Variants in PRIM2 observed in about 807,000 individuals in gnomAD.
PRIM2 encodes DNA primase subunit 2.
A neutral mutation model predicts 67.3 loss-of-function variants in PRIM2; 39 were observed. The observed-to-expected ratio is 0.58, with a 90% CI of 0.45 to 0.76. The LOEUF (loss-of-function observed/expected upper bound fraction) is 0.76. Ranked by LOEUF, PRIM2 falls within the 30% of genes least tolerant of loss-of-function variation. The probability of loss-of-function intolerance (pLI) is 0.00; values close to 1 mark genes in which losing one functional copy is unlikely to be tolerated. For synonymous variants in PRIM2, 143 were observed against 198.7 expected (o/e 0.72, Z 2.36); for missense variants, 398 against 598.7 (o/e 0.66, Z 3.50).
chr6:57,527,504 C>T (rs1215190760), intron 8 of PRIM2, among the ~76,000 whole-genome samples: 83 of 152,310 alleles, frequency 5.4e-4, no homozygotes, highest in African/African-American at 1.9e-3. Context: ...CACCTTTCCT[C>T]GCCTGGATGT....
At chr6:57,453,255 AC>A (rs2127391722) in intron 7 of PRIM2, among the ~76,000 whole-genome samples, 1 of 152,266 alleles carries the variant, frequency 6.6e-6, no homozygotes, top group South Asian at 2.1e-4. Context: ...CTTAGGATTC[AC>A]TTTGCAATGT....
At chr6:57,237,621 G>A in the PRIM2 span, among the ~76,000 whole-genome samples, 4 of 152,202 alleles carry the variant, frequency 2.6e-5, no homozygotes, top group South Asian at 2.1e-4. Flanking sequence ...TCCAGTTTCA[G>A]CTTTCTACAT....
At chr6:57,336,815 A>C (rs1301791703) in intron 5 of PRIM2, among the ~76,000 whole-genome samples, 9 of 152,222 alleles carry the variant, frequency 5.9e-5, no homozygotes, top group Non-Finnish European at 1.3e-4. Flanking sequence ...CGAGCAAAAT[A>C]ACCAGCTAAC....
intron 12 of PRIM2, among the ~76,000 whole-genome samples, chr6:57,608,959 A>T (rs1280789043): frequency 6.6e-6 from 1 of 152,202 alleles, no homozygotes; most frequent in African/African-American, 2.4e-5. Flanking sequence ...CTTTGCTCTT[A>T]ACATTTGTTA....
At chr6:57,241,923 T>G in the PRIM2 span, among the ~76,000 whole-genome samples, 1 of 152,124 alleles carries the variant, frequency 6.6e-6, no homozygotes, top group Non-Finnish European at 1.5e-5. Flanking sequence ...CTGCCCTCCT[T>G]GGCCTCCCAA....
intron 5 of PRIM2, among the ~76,000 whole-genome samples, chr6:57,365,458 C>T (rs1303782756): frequency 1.3e-5 from 2 of 151,976 alleles, no homozygotes; most frequent in East Asian, 1.9e-4. Context: ...TGTGCCTTTT[C>T]GTGAATTAAT....
chr6:57,499,140 G>C (rs1358535538), intron 7 of PRIM2, among the ~76,000 whole-genome samples: 1 of 152,158 alleles, frequency 6.6e-6, no homozygotes, highest in African/African-American at 2.4e-5. Context: ...GGAGCTACTG[G>C]TTATGCTTTC....
chr6:57,416,701 G>A (rs528607979), intron 7 of PRIM2, among the ~76,000 whole-genome samples: 6 of 152,234 alleles, frequency 3.9e-5, no homozygotes, highest in Non-Finnish European at 5.9e-5. Flanking sequence ...TGGATAACTT[G>A]CTGCAGCTTC....
rs1361786731 is a variant in PRIM2, at chr6:57,561,453, G to A, written c.1020+23828G>A. On this transcript the variant is annotated intron_variant, in intron 10 of 13. Coordinates refer to ENST00000615550, the MANE Select transcript of PRIM2 (RefSeq NM_000947.5). ...CACCGTTGTTGCCCAGGCTGGTCTCGAACTCCTGAGCTCAGGCAATCCGTC... is the reference window on the plus strand; with the variant it reads ...CACCGTTGTTGCCCAGGCTGGTCTCAAACTCCTGAGCTCAGGCAATCCGTC... 6.6e-5 allele frequency among the ~76,000 whole-genome samples: 10 copies of A among 152,108 alleles called. No individual in the cohort carries two copies. In the East Asian group the frequency reaches 1.5e-3, roughly 24 times the overall value.
the PRIM2 span, among the ~76,000 whole-genome samples, chr6:57,305,751 C>G: frequency 6.6e-6 from 1 of 151,974 alleles, no homozygotes. Context: ...GATTTTAGTC[C>G]AGCTTAAATT....
At chr6:57,572,561 A>G (rs1308120251) in intron 10 of PRIM2, among the ~76,000 whole-genome samples, 79 of 152,214 alleles carry the variant, frequency 5.2e-4, no homozygotes, top group Admixed American at 4.6e-4. Flanking sequence ...GAGATTTAAC[A>G]GTACATTATA....
At chr6:57,609,072 A>T (rs1776618344) in intron 12 of PRIM2, among the ~76,000 whole-genome samples, 1 of 152,196 alleles carries the variant, frequency 6.6e-6, no homozygotes, top group Admixed American at 6.5e-5. Context: ...TCTCATAGTA[A>T]TCCAATGAGT....
chr6:57,544,391 A>T (rs1431272727), intron 10 of PRIM2, among the ~76,000 whole-genome samples: 1 of 152,180 alleles, frequency 6.6e-6, no homozygotes, highest in African/African-American at 2.4e-5. Context: ...TGCTGACTTT[A>T]GCCATCAAGC....
chr6:57,346,976 C>A (rs1344696892), intron 5 of PRIM2, among the ~76,000 whole-genome samples: 2 of 152,122 alleles, frequency 1.3e-5, no homozygotes, highest in Non-Finnish European at 2.9e-5. Context: ...ACAGTTAATA[C>A]CCCTATTCTG....
intron 8 of PRIM2, among the ~76,000 whole-genome samples, chr6:57,522,886 G>A (rs1231069386): frequency 1.3e-5 from 2 of 152,142 alleles, no homozygotes; most frequent in South Asian, 2.1e-4. Context: ...TTGAATATTT[G>A]TACTTTGGAC....
chr6:57,362,401 G>A (rs1769231488), intron 5 of PRIM2, among the ~76,000 whole-genome samples: 1 of 151,970 alleles, frequency 6.6e-6, no homozygotes, highest in Non-Finnish European at 1.5e-5. Context: ...GAATAAACGT[G>A]GCTGCATCAG....
At chr6:57,306,007 T>C in the PRIM2 span, among the ~76,000 whole-genome samples, 1 of 152,230 alleles carries the variant, frequency 6.6e-6, no homozygotes, top group Non-Finnish European at 1.5e-5. Flanking sequence ...AATACCAGTA[T>C]TGAAAATTAT....
chr6:57,380,302 A>T (rs1769914246), intron 6 of PRIM2, among the ~76,000 whole-genome samples: 1 of 151,888 alleles, frequency 6.6e-6, no homozygotes, highest in Non-Finnish European at 1.5e-5. Flanking sequence ...CTGCCAGGAA[A>T]CCCTCATCAC....
intron 10 of PRIM2, among the ~76,000 whole-genome samples, chr6:57,600,722 T>G (rs1426939524): frequency 6.6e-6 from 1 of 152,040 alleles, no homozygotes; most frequent in African/African-American, 2.4e-5. Flanking sequence ...CAGGGAGAAT[T>G]AGGGGAAGGT....
Sources: allele counts gnomAD v4.1 joint callset (sites outside exome capture counted in the v4.1 genomes callset), GRCh38; gene constraint gnomAD v4.1.1; transcripts MANE v1.5; gene names NCBI Gene and HGNC (gene_info 2026-07-23, HGNC 2026-07-21).